The following KCNK2 variants were observed in gnomAD, a reference collection of about 807,000 sequenced individuals.
KCNK2 encodes the protein potassium channel subfamily K member 2.
KCNK2 carries 21 observed loss-of-function variants against 40.5 expected under a neutral mutation model. That is an observed-to-expected ratio of 0.52 (90% CI 0.37 to 0.75). The LOEUF (loss-of-function observed/expected upper bound fraction) is 0.75. Ranked by LOEUF, KCNK2 falls within the 30% of genes least tolerant of loss-of-function variation. The pLI is 0.00. For missense variants in KCNK2, 399 were observed against 531.6 expected (o/e 0.75, Z 2.45); for synonymous variants, 191 against 202.2 (o/e 0.94, Z 0.47).
intron 6 of KCNK2, among the ~76,000 whole-genome samples, chr1:215,210,597 A>G (rs1253521665): frequency 6.6e-6 from 1 of 152,074 alleles, no homozygotes; most frequent in Admixed American, 6.6e-5. Flanking sequence ...TTGATTGTCT[A>G]TGATGTGTCA....
At chr1:215,052,776 G>A (rs1450333963) in intron 1 of KCNK2, among the ~76,000 whole-genome samples, 2 of 152,154 alleles carry the variant, frequency 1.3e-5, no homozygotes, top group African/African-American at 2.4e-5. Flanking sequence ...TGAGAGAATA[G>A]TATTTATTAG....
intron 3 of KCNK2, among the ~76,000 whole-genome samples, chr1:215,159,614 C>G (rs994773825): frequency 3.9e-5 from 6 of 152,058 alleles, no homozygotes; most frequent in African/African-American, 9.7e-5. Flanking sequence ...TATTTACTAT[C>G]CTATGGTTTT....
chr1:215,167,277 C>T (rs548147701), intron 3 of KCNK2, among the ~76,000 whole-genome samples: 8 of 151,806 alleles, frequency 5.3e-5, no homozygotes, highest in African/African-American at 9.7e-5. Context: ...AAAAATCACA[C>T]GGCCCATAAT....
At chr1:215,051,678 C>G (rs1413397885) in intron 1 of KCNK2, among the ~76,000 whole-genome samples, 2 of 152,044 alleles carry the variant, frequency 1.3e-5, no homozygotes, top group Non-Finnish European at 2.9e-5. Context: ...TGGGAAGCAG[C>G]AGATGCAAGG....
chr1:215,079,326 C>G (rs1325754586), upstream of KCNK2, among the ~76,000 whole-genome samples: 1 of 152,082 alleles, frequency 6.6e-6, no homozygotes, highest in Non-Finnish European at 1.5e-5. Flanking sequence ...ATTCACAGTT[C>G]TTCAGGCTGT....
chr1:215,233,155 C>A (rs887161735), intron 6 of KCNK2, among the ~76,000 whole-genome samples: 1 of 152,150 alleles, frequency 6.6e-6, no homozygotes, highest in African/African-American at 2.4e-5. Context: ...TCTTTCCCAG[C>A]AAGCTTCCCC....
intron 3 of KCNK2, among the ~76,000 whole-genome samples, chr1:215,125,226 T>A (rs895484420): frequency 9.2e-5 from 14 of 152,170 alleles, no homozygotes; most frequent in African/African-American, 2.7e-4. Context: ...GGCTTTTTTT[T>A]TATATACATT....
At chr1:215,047,487 T>C (rs1265715217) in intron 1 of KCNK2, among the ~76,000 whole-genome samples, 1 of 152,038 alleles carries the variant, frequency 6.6e-6, no homozygotes, top group African/African-American at 2.4e-5. Flanking sequence ...GAACCTAAAT[T>C]TGAACCTAGA....
chr1:215,009,504 C>T (rs1421642957), intron 1 of KCNK2, among the ~76,000 whole-genome samples: 1 of 151,886 alleles, frequency 6.6e-6, no homozygotes, highest in Non-Finnish European at 1.5e-5. Flanking sequence ...GCTATGTTTA[C>T]TTCATTTGCT....
chr1:215,128,369 A>T (rs1205297731), intron 3 of KCNK2, among the ~76,000 whole-genome samples: 1 of 152,222 alleles, frequency 6.6e-6, no homozygotes, highest in Non-Finnish European at 1.5e-5. Context: ...CATTTTAATC[A>T]GTAAGTCAAT....
At chr1:215,073,565 G>A (rs900062404) in intron 1 of KCNK2, among the ~76,000 whole-genome samples, 3 of 152,136 alleles carry the variant, frequency 2.0e-5, no homozygotes, top group African/African-American at 7.2e-5. Flanking sequence ...GGACTTGTAT[G>A]TGTGGAGGCT....
intron 3 of KCNK2, among the ~76,000 whole-genome samples, chr1:215,154,580 TTTAA>T (rs1445308649): frequency 6.6e-6 from 1 of 152,164 alleles, no homozygotes; most frequent in Non-Finnish European, 1.5e-5. Context: ...AGCTCTTTAG[TTTAA>T]TTATATCTCA....
intron 3 of KCNK2, among the ~76,000 whole-genome samples, chr1:215,136,235 A>G (rs1227755380): frequency 2.0e-5 from 3 of 152,026 alleles, no homozygotes; most frequent in African/African-American, 7.2e-5. Flanking sequence ...AGCTAGGACT[A>G]CAGGTGTGTG....
At chr1:215,142,520 A>C (rs1229247465) in intron 3 of KCNK2, among the ~76,000 whole-genome samples, 1 of 152,152 alleles carries the variant, frequency 6.6e-6, no homozygotes, top group African/African-American at 2.4e-5. Flanking sequence ...GAGAGGAACA[A>C]TTTTAATGGA....
rs201749435 is a variant in KCNK2 at position 215,007,087 on chromosome 1, G to GTA, written c.34+1142_34+1143dup. Among the ~76,000 whole-genome samples the GTA allele has an allele frequency of 3.0e-4, 36 of 120,498 alleles. 1 individual carries two copies. Among genetic ancestry groups the GTA allele is most frequent in the African/African-American group, 6.7e-4 (20 of 29,678 alleles). 79.1% of individuals were successfully genotyped at this position (120,498 alleles called of 152,430 possible). On this transcript the variant is annotated intron_variant, in intron 1 of 6. Transcript: ENST00000391895. Reference sequence around the variant, plus strand: ...TGTGTGTGTGTATATATATATGTGTGTATATATATATGTATATATATGTGT... The same window carrying GTA: ...TGTGTGTGTGTATATATATATGTGTGTATATATATATATGTATATATATGTGT...
At chr1:215,158,698 A>G (rs773765276) in intron 3 of KCNK2, among the ~76,000 whole-genome samples, 7 of 152,202 alleles carry the variant, frequency 4.6e-5, no homozygotes, top group Non-Finnish European at 7.3e-5. Context: ...GACTGTAGAG[A>G]CATTTGTCGT....
At chr1:215,224,831 T>A (rs1666319881) in intron 6 of KCNK2, among the ~76,000 whole-genome samples, 1 of 152,260 alleles carries the variant, frequency 6.6e-6, no homozygotes, top group African/African-American at 2.4e-5. Context: ...CATTTTAAAA[T>A]TTATACCATT....
At position 215,094,002 on chromosome 1, in the gene KCNK2, T is replaced by A. The variant is rs1645518753; in HGVS notation, c.357+7324T>A. Among the ~76,000 whole-genome samples, 3 of 140,616 alleles carry A rather than the reference T, an allele frequency of 2.1e-5. No individual in the cohort carries two copies. The South Asian group carries it at 6.4e-4, about 30-fold the overall frequency. The allele number at this position is 140,616 out of a possible 152,430, so 92.2% of individuals were successfully genotyped here. On this transcript the variant is annotated intron_variant, in intron 2 of 6. Coordinates refer to ENST00000444842, the MANE Select transcript of KCNK2 (RefSeq NM_001017425.3). ...TTGTATATGGTTGGTGCAAATGCGG[T>A]TTTTGTCATTACTTTCAATGGCCAA...
At chr1:215,167,040 A>G (rs893605228) in intron 3 of KCNK2, among the ~76,000 whole-genome samples, 4 of 152,210 alleles carry the variant, frequency 2.6e-5, no homozygotes, top group Admixed American at 1.3e-4. Context: ...TTGACTAGCA[A>G]TGAACACGGA....
Sources: allele counts gnomAD v4.1 joint callset (sites outside exome capture counted in the v4.1 genomes callset), GRCh38; gene constraint gnomAD v4.1.1; transcripts MANE v1.5; gene names NCBI Gene and HGNC (gene_info 2026-07-23, HGNC 2026-07-21).